The following LEPR variants were observed in gnomAD, a reference collection of about 807,000 sequenced individuals.
LEPR encodes the protein leptin receptor.
A neutral mutation model predicts 114.7 loss-of-function variants in LEPR; 56 were observed. The ratio of observed to expected loss-of-function variants is 0.49; its 90% CI spans 0.39 to 0.61. The LOEUF is 0.61. Among genes scored for constraint, LEPR ranks in the 20% least tolerant of loss-of-function variants. LEPR has a pLI of 0.00. For synonymous variants in LEPR, 443 were observed against 461.4 expected (o/e 0.96, Z 0.51); for missense variants, 1,202 against 1,352.9 (o/e 0.89, Z 1.75).
intron 2 of LEPR, among the ~76,000 whole-genome samples, chr1:65,508,824 C>T (rs1648886542): frequency 6.6e-6 from 1 of 152,108 alleles, no homozygotes; most frequent in South Asian, 2.1e-4. Flanking sequence ...CATGAGCGCA[C>T]AATATCTTTC....
chr1:65,436,025 A>G (rs1570444779), intron 2 of LEPR: 1 of 983,612 alleles, frequency 1.0e-6, no homozygotes, highest in Non-Finnish European at 1.2e-6. Context: ...TTTTATGTAC[A>G]TTATTAAATG....
chr1:65,523,639 A>C (rs537975686), intron 2 of LEPR, among the ~76,000 whole-genome samples: 1 of 152,218 alleles, frequency 6.6e-6, no homozygotes, highest in Non-Finnish European at 1.5e-5. Flanking sequence ...TCACAATGAA[A>C]TAATTAATTA....
In LEPR at chr1:65,641,036, A is replaced by C. The variant is rs1266266143; in HGVS notation, c.*4021A>C. ...AGTGATCCGCCCTCATTGGCCTCCC[A>C]AAGTTCTGGGATTACAGGTGTGAGA... On this transcript the variant is annotated 3_prime_UTR_variant, in exon 20 of 20. Coordinates refer to ENST00000349533, the MANE Select transcript of LEPR (RefSeq NM_002303.6). The C allele has an allele frequency of 1.3e-5, 2 of 152,172 alleles. No homozygotes were observed. Among genetic ancestry groups the C allele is most frequent in the Non-Finnish European group, 2.9e-5 (2 of 68,038 alleles). 9.4% of individuals were successfully genotyped at this position (152,172 alleles called of 1,614,324 possible).
intron 2 of LEPR, among the ~76,000 whole-genome samples, chr1:65,483,391 C>T (rs764387765): frequency 3.3e-5 from 5 of 151,952 alleles, no homozygotes; most frequent in Non-Finnish European, 5.9e-5. Flanking sequence ...CCTGATATTA[C>T]AAAAAACTGT....
chr1:65,518,749 A>G (rs2100572455), intron 2 of LEPR, among the ~76,000 whole-genome samples: 1 of 152,302 alleles, frequency 6.6e-6, no homozygotes, highest in Admixed American at 6.5e-5. Context: ...CAAGCTTTCT[A>G]TCACTATGTA....
intron 14 of LEPR, among the ~76,000 whole-genome samples, chr1:65,615,313 G>A (rs1035351049): frequency 6.6e-6 from 1 of 152,086 alleles, no homozygotes; most frequent in Non-Finnish European, 1.5e-5. Flanking sequence ...TGGGGAAATG[G>A]GGTACACTGT....
chr1:65,552,155 T>C (rs1295994968), intron 2 of LEPR, among the ~76,000 whole-genome samples: 1 of 152,198 alleles, frequency 6.6e-6, no homozygotes, highest in Non-Finnish European at 1.5e-5. Context: ...ATAAGCGCGA[T>C]GTGGTGCTGA....
At chr1:65,567,371 A>G (rs902123963) in intron 3 of LEPR, among the ~76,000 whole-genome samples, 1 of 152,228 alleles carries the variant, frequency 6.6e-6, no homozygotes, top group Non-Finnish European at 1.5e-5. Context: ...GTAATATTAC[A>G]TATTCTTGGT....
intron 5 of LEPR, chr1:65,577,145 C>A (rs991669125): frequency 1.2e-5 from 2 of 165,816 alleles, no homozygotes; most frequent in South Asian, 3.1e-4. Flanking sequence ...TCATGGTCTG[C>A]TAGTCCACAC....
rs369281071 is a variant in LEPR at position 65,610,028 on chromosome 1, C to T, written c.1834C>T (p.Arg612Cys). 14 of 1,614,032 alleles carry T rather than the reference C, an allele frequency of 8.7e-6. No individual in the cohort carries two copies. Among genetic ancestry groups the T allele is most frequent in the South Asian group, 5.5e-5 (5 of 91,086 alleles). Residue 612 changes from arginine to cysteine, a missense_variant, in exon 13 of 20, where the codon CGC becomes TGC. Physicochemically the swap from Arg to Cys is radical, Grantham distance 180. Coordinates refer to ENST00000349533, the MANE Select transcript of LEPR (RefSeq NM_002303.6). Reference protein sequence around the residue: ...DLCAVYAVQVRCKRLDGLGYW... With the variant: ...DLCAVYAVQVCCKRLDGLGYW... ...GTGTGCAGTCTATGCTGTTCAGGTG[C>T]GCTGTAAGAGGCTAGATGGACTGGG...
chr1:65,585,690 T>C (rs1275941846), intron 5 of LEPR, among the ~76,000 whole-genome samples: 2 of 152,004 alleles, frequency 1.3e-5, no homozygotes, highest in Non-Finnish European at 2.9e-5. Context: ...GCATAAAATA[T>C]TTTGTTGCAT....
At chr1:65,455,421 T>C (rs1570481307) in intron 2 of LEPR, among the ~76,000 whole-genome samples, 1 of 152,364 alleles carries the variant, frequency 6.6e-6, no homozygotes, top group East Asian at 1.9e-4. Flanking sequence ...TTTTATGTAC[T>C]TTTGGTCTTT....
chr1:65,623,715 T>TATC (rs3086963), intron 19 of LEPR, among the ~76,000 whole-genome samples: 13,074 of 152,200 alleles, frequency 0.086, 1,317 homozygotes, highest in African/African-American at 0.23. Flanking sequence ...ATTGCATCTT[T>TATC]ATCATTAGTC....
At chr1:65,597,072 A>C (rs1656113966) in intron 7 of LEPR, among the ~76,000 whole-genome samples, 1 of 151,952 alleles carries the variant, frequency 6.6e-6, no homozygotes, top group Admixed American at 6.6e-5. Flanking sequence ...CTCATCCTCC[A>C]CCATTCCCCA....
At chr1:65,435,240 C>G (rs1161976478) in intron 2 of LEPR, 2 of 985,138 alleles carry the variant, frequency 2.0e-6, no homozygotes, top group African/African-American at 3.5e-5. Flanking sequence ...TAAGGAAGTC[C>G]TTACCTCTGA....
chr1:65,567,523 T>C (rs1265364002), intron 3 of LEPR, among the ~76,000 whole-genome samples: 1 of 152,214 alleles, frequency 6.6e-6, no homozygotes, highest in Non-Finnish European at 1.5e-5. Flanking sequence ...ACCTAATTGT[T>C]ATCAGTATGG....
rs1557620341 is a variant in LEPR at position 65,488,224 on chromosome 1, C to CTT, written c.-21+62847_-21+62848insTT. ...TCTTTCTTTCTTTCTCTCTCTCTCT[C>CTT]TCTCTTTCTTTCTTTCTTTCTTTCT... On this transcript the variant is annotated intron_variant, in intron 2 of 19. Transcript: ENST00000349533. 6.6e-3 allele frequency among the ~76,000 whole-genome samples: 262 copies of CTT among 39,802 alleles called. 3 individuals carry two copies. The highest frequency in any genetic ancestry group is 0.022 in the South Asian group (24 of 1,114). 26.1% of individuals were successfully genotyped at this position (39,802 alleles called of 152,430 possible). A position where few individuals can be genotyped will look rare whatever the true frequency, so the allele number is the denominator to read the frequency against.
At chr1:65,521,305 G>A (rs1424142213) in intron 2 of LEPR, among the ~76,000 whole-genome samples, 1 of 152,198 alleles carries the variant, frequency 6.6e-6, no homozygotes, top group African/African-American at 2.4e-5. Flanking sequence ...AATGGAAAAA[G>A]GGTTAAGGCC....
chr1:65,465,867 C>A (rs1428585957), intron 2 of LEPR, among the ~76,000 whole-genome samples: 1 of 151,540 alleles, frequency 6.6e-6, no homozygotes, highest in Non-Finnish European at 1.5e-5. Context: ...TTTTTGCTTT[C>A]CATTTGCTTG....
Sources: allele counts gnomAD v4.1 joint callset (sites outside exome capture counted in the v4.1 genomes callset), GRCh38; gene constraint gnomAD v4.1.1; transcripts MANE v1.5; gene names NCBI Gene and HGNC (gene_info 2026-07-23, HGNC 2026-07-21).